NEB: variants seen among roughly 807,000 people sequenced by gnomAD.
NEB encodes nemaline myopathy type 2.
Under a neutral mutation model 952.2 loss-of-function variants are expected in NEB, and 512 were observed. The observed-to-expected ratio is 0.54, with a 90% CI of 0.50 to 0.58. The LOEUF is 0.58. Among genes scored for constraint, NEB ranks in the 20% least tolerant of loss-of-function variants. NEB has a pLI of 0.00. For synonymous variants in NEB, 2,900 were observed against 3,149.8 expected (o/e 0.92, Z 2.66); for missense variants, 8,428 against 9,231.1 (o/e 0.91, Z 3.56).
intron 64 of NEB, among the ~76,000 whole-genome samples, chr2:151,635,543 C>T (rs1230389155): frequency 2.6e-5 from 4 of 151,952 alleles, no homozygotes; most frequent in Non-Finnish European, 4.4e-5. Context: ...CCCATCTCTA[C>T]TAAAAATACA....
At chr2:151,684,302 G>T (rs2099467703) in intron 28 of NEB, among the ~76,000 whole-genome samples, 1 of 152,110 alleles carries the variant, frequency 6.6e-6, no homozygotes. Context: ...GCTTAAAGAA[G>T]TTCTGATCTG....
chr2:151,674,397 A>G (rs923924076), intron 36 of NEB, 80 bp downstream of exon 36: 2 of 1,063,280 alleles, frequency 1.9e-6, no homozygotes, highest in Admixed American at 1.9e-5. Flanking sequence ...ATTTCTTTCA[A>G]TAAGGTATCA....
chr2:151,610,936 C>T (rs957929631), intron 78 of NEB, 70 bp from the exon 79 acceptor site: 9 of 932,242 alleles, frequency 9.7e-6, no homozygotes, highest in East Asian at 5.3e-5. Context: ...AAGCCAATAA[C>T]ATCATTACAG....
At chr2:151,707,793 C>T (rs997033210) in intron 12 of NEB, among the ~76,000 whole-genome samples, 14 of 152,146 alleles carry the variant, frequency 9.2e-5, no homozygotes, top group African/African-American at 2.4e-4. Context: ...CACTTATGAA[C>T]TCAGAAAACA....
intron 119 of NEB, 103 bp downstream of exon 119, chr2:151,563,503 C>T: frequency 1.0e-6 from 1 of 984,896 alleles, no homozygotes; most frequent in Non-Finnish European, 1.6e-6. Flanking sequence ...CTACGCTACT[C>T]CATTTCCCAG....
In NEB at chr2:151,683,771, C is replaced by T. The variant is rs140837131; in HGVS notation, c.2836-1002G>A. Among the ~76,000 whole-genome samples the T allele has an allele frequency of 1.4e-3, 217 of 152,248 alleles. 2 individuals are homozygous for T. Among genetic ancestry groups the T allele is most frequent in the African/African-American group, 5.0e-3 (208 of 41,570 alleles). ...AAAGAGATATTCACATGCCCATATTCATAGCAGCATTATTCAAAATAGCTT... is the reference window on the plus strand; with the variant it reads ...AAAGAGATATTCACATGCCCATATTTATAGCAGCATTATTCAAAATAGCTT... On this transcript the variant is annotated intron_variant, in intron 28 of 181. Coordinates refer to ENST00000397345, the MANE Select transcript of NEB (RefSeq NM_001164508.2).
chr2:151,522,210 C>A (rs925808092), intron 153 of NEB, among the ~76,000 whole-genome samples: 1 of 151,974 alleles, frequency 6.6e-6, no homozygotes, highest in African/African-American at 2.4e-5. Context: ...TTTTTAGCTC[C>A]TTTTTATTGA....
intron 110 of NEB, 59 bp from the exon 111 acceptor site, chr2:151,568,775 A>C: frequency 8.3e-7 from 1 of 1,203,970 alleles, no homozygotes; most frequent in Non-Finnish European, 1.2e-6. Context: ...GTGAACTGAG[A>C]AGATACACTA....
chr2:151,581,685 G>T, intron 102 of NEB, 98 bp from the exon 103 acceptor site: 1 of 1,378,908 alleles, frequency 7.3e-7, no homozygotes, highest in South Asian at 1.5e-5. Context: ...TGAATAAATG[G>T]ATGATGAAAA....
At chr2:151,615,317 T>A (rs1222400530) in intron 76 of NEB, among the ~76,000 whole-genome samples, 1 of 152,246 alleles carries the variant, frequency 6.6e-6, no homozygotes, top group Non-Finnish European at 1.5e-5. Context: ...GTCTAAGGCA[T>A]GAGGCCCTTC....
At position 151,492,418 on chromosome 2, in the gene NEB, C is replaced by T. The variant is rs770024830; in HGVS notation, c.24842G>A (p.Arg8281Gln). Reference sequence around the variant, plus strand: ...GATGTGCCGTTGGGTCTCCCTCACCCGTCTCATCTCGGGGGTATCCAATAC... The same window carrying T: ...GATGTGCCGTTGGGTCTCCCTCACCTGTCTCATCTCGGGGGTATCCAATAC... ...AYVLDTPEMRRVRETQRHIST... is the reference protein window; with the variant it reads ...AYVLDTPEMRQVRETQRHIST... Residue 8281 changes from arginine to glutamine, a missense_variant, in exon 177 of 182, where the codon CGG (arginine) becomes CAG (glutamine). This residue lies in a region of NEB where 3,374 missense variants were observed against 3,651.5 expected (regional missense o/e 0.92). Transcript: ENST00000397345. 32 of 1,608,898 alleles carry T rather than the reference C, an allele frequency of 2.0e-5. No homozygotes were observed. The highest frequency in any genetic ancestry group is 3.3e-5 in the South Asian group (3 of 90,444).
In NEB at chr2:151,694,503, G is replaced by A. The variant is rs780189034; in HGVS notation, c.1782+19C>T. On this transcript the variant is annotated intron_variant, in intron 19 of 181. Transcript: ENST00000397345. ...ATGTCCCCGAAGCCAGCCTGTCCAGGTCCCCAGGCCACACTCACATCGCTG... is the reference window on the plus strand; with the variant it reads ...ATGTCCCCGAAGCCAGCCTGTCCAGATCCCCAGGCCACACTCACATCGCTG... 6.2e-7 allele frequency: 1 copy of A among 1,613,524 alleles called. No homozygotes were observed. Among genetic ancestry groups the A allele is most frequent in the Non-Finnish European group, 8.5e-7 (1 of 1,179,644 alleles).
At chr2:151,556,596 A>G (rs2095659506) in intron 124 of NEB, among the ~76,000 whole-genome samples, 1 of 152,222 alleles carries the variant, frequency 6.6e-6, no homozygotes, top group African/African-American at 2.4e-5. Context: ...AAACCAACAA[A>G]GATCAAAAGA....
Position 151,669,020 on chromosome 2 carries a change from T to A in NEB, c.4611+7A>T. The A allele has an allele frequency of 6.4e-7, 1 of 1,567,442 alleles. No homozygotes were observed. The highest frequency in any genetic ancestry group is 8.7e-7 in the Non-Finnish European group (1 of 1,148,686). Reference sequence around the variant, plus strand: ...TACGCAATATTAGCACTGGGCCAAATACTCACATCACTCATGTTGAGGGCG... The same window carrying A: ...TACGCAATATTAGCACTGGGCCAAAAACTCACATCACTCATGTTGAGGGCG... On this transcript the variant is annotated splice_region_variant and intron_variant, in intron 39 of 181. Transcript: ENST00000397345.
intron 127 of NEB, 64 bp downstream of exon 127, chr2:151,553,331 ACCT>A: frequency 2.3e-6 from 3 of 1,304,304 alleles, no homozygotes; most frequent in Non-Finnish European, 3.3e-6. Flanking sequence ...ATTTTACATA[ACCT>A]CCTCTTAACT....
intron 39 of NEB, among the ~76,000 whole-genome samples, chr2:151,668,633 A>G (rs552168697): frequency 6.6e-6 from 1 of 152,282 alleles, no homozygotes; most frequent in South Asian, 2.1e-4. Context: ...AGTTACATAC[A>G]AAAAAAGATT....
chr2:151,541,129 C>T (rs536056198), intron 136 of NEB, among the ~76,000 whole-genome samples: 1 of 152,216 alleles, frequency 6.6e-6, no homozygotes, highest in South Asian at 2.1e-4. Context: ...TTTTGCGTGA[C>T]TGCATGAAAT....
At chr2:151,700,407 A>AT (rs1218939359) in intron 13 of NEB, among the ~76,000 whole-genome samples, 4 of 34,898 alleles carry the variant, frequency 1.1e-4, no homozygotes, top group African/African-American at 5.8e-4. Context: ...GAAGAAAGTC[A>AT]TTGGTAGCTT....
At chr2:151,631,436 C>A in intron 65 of NEB, 90 bp from the exon 66 acceptor site, 1 of 1,370,828 alleles carries the variant, frequency 7.3e-7, no homozygotes, top group Non-Finnish European at 9.9e-7. Context: ...AAGTGCAATT[C>A]TGTTTTCTAT....
Sources: gnomAD v4.1 joint callset for allele counts (sites outside exome capture counted in the v4.1 genomes callset) on GRCh38, gnomAD v4.1.1 for gene constraint, gnomAD v4.1.1 regional missense constraint, MANE v1.5 for transcripts, NCBI Gene and HGNC (gene_info 2026-07-23, HGNC 2026-07-21) for gene names.